Variants in PLXNA4 observed in about 807,000 individuals in gnomAD.
PLXNA4 encodes plexin A4.
PLXNA4 carries 44 observed loss-of-function variants against 191.8 expected under a neutral mutation model. The ratio of observed to expected loss-of-function variants is 0.23; its 90% CI spans 0.18 to 0.29. The LOEUF (loss-of-function observed/expected upper bound fraction) is 0.29. Among genes scored for constraint, PLXNA4 ranks in the 10% least tolerant of loss-of-function variants. The pLI, the probability that PLXNA4 is intolerant of heterozygous loss-of-function variation, is 1.00. For missense variants in PLXNA4, 1,800 were observed against 2,488.8 expected (o/e 0.72, Z 5.89); for synonymous variants, 1,082 against 1,009.5 (o/e 1.07, Z -1.36).
chr7:132,508,324 C>T lies in PLXNA4; in HGVS notation c.370G>A (p.Glu124Lys), dbSNP rs1181403014. The T allele has an allele frequency of 6.2e-7, 1 of 1,614,186 alleles. No individual in the cohort carries two copies. Among genetic ancestry groups the T allele is most frequent in the Non-Finnish European group, 8.5e-7 (1 of 1,180,048 alleles). ...VNKMLLIDYK[E>K]NRLIACGSLY... ...CTCCCACAGGCAATCAGCCTGTTCT[C>T]CTTGTAGTCTATGAGGAGCATCTTG... The change falls in exon 2 of 32, where the codon GAG becomes AAG. Residue 124 changes from glutamate to lysine, a missense_variant. By Grantham distance (56) the Glu-to-Lys change is moderately conservative. Coordinates refer to ENST00000321063, the MANE Select transcript of PLXNA4 (RefSeq NM_020911.2). This position sits in a 1 kb window ranked among gnomAD's most constrained non-coding sequence, Gnocchi z 4.4.
At chr7:132,430,364 G>A (rs1364075181) in intron 3 of PLXNA4, among the ~76,000 whole-genome samples, 1 of 152,094 alleles carries the variant, frequency 6.6e-6, no homozygotes, top group Non-Finnish European at 1.5e-5. Context: ...AGGAAATGCT[G>A]AGTGAATTAG....
intron 1 of PLXNA4, among the ~76,000 whole-genome samples, chr7:132,529,184 G>A (rs1442865662): frequency 6.6e-6 from 1 of 152,204 alleles, no homozygotes; most frequent in Non-Finnish European, 1.5e-5. Context: ...CTACCTGGCA[G>A]CCACTGGCTG....
chr7:132,426,746 A>G (rs1460607080), intron 3 of PLXNA4, among the ~76,000 whole-genome samples: 6 of 152,150 alleles, frequency 3.9e-5, no homozygotes, highest in Admixed American at 3.3e-4. Flanking sequence ...CCAGAGGGTG[A>G]AAATTAGAGG....
At chr7:132,570,878 C>T (rs972914781) in intron 1 of PLXNA4, among the ~76,000 whole-genome samples, 1 of 152,160 alleles carries the variant, frequency 6.6e-6, no homozygotes, top group African/African-American at 2.4e-5. Context: ...GAGAGGATGC[C>T]TGAGATCTCT....
At chr7:132,460,196 G>T (rs1382167924) in intron 3 of PLXNA4, among the ~76,000 whole-genome samples, 1 of 151,886 alleles carries the variant, frequency 6.6e-6, no homozygotes, top group Non-Finnish European at 1.5e-5. Context: ...TCTGCCAAAA[G>T]TTTTTTAAAA....
At chr7:132,365,328 C>CGTGTGTGTGTGTGTGTGT (rs3057957) in intron 3 of PLXNA4, among the ~76,000 whole-genome samples, 2 of 142,994 alleles carry the variant, frequency 1.4e-5, no homozygotes, top group South Asian at 2.4e-4. Flanking sequence ...CTACGGCCCG[C>CGTGTGTGTGTGTGTGTGT]GTGTGTGTGT....
At chr7:132,478,564 A>T (rs73444806) in intron 3 of PLXNA4, among the ~76,000 whole-genome samples, 1,567 of 152,338 alleles carry the variant, frequency 0.01, 25 homozygotes, top group African/African-American at 0.036. Context: ...ATAGATTTTT[A>T]AAGGTAGACT....
intron 3 of PLXNA4, among the ~76,000 whole-genome samples, chr7:132,440,510 C>G (rs1019990305): frequency 2.0e-5 from 3 of 152,156 alleles, no homozygotes; most frequent in African/African-American, 7.2e-5. Context: ...AGAGATCCAA[C>G]TATATCAGAA....
At chr7:132,312,792 C>T (rs531006601) in intron 3 of PLXNA4, among the ~76,000 whole-genome samples, 19 of 152,250 alleles carry the variant, frequency 1.2e-4, no homozygotes, top group East Asian at 1.9e-4. Flanking sequence ...AATCAGTTGA[C>T]GTGAAGATTT....
chr7:132,612,849 A>G (rs980888525), intron 2 of PLXNA4, among the ~76,000 whole-genome samples: 1 of 152,116 alleles, frequency 6.6e-6, no homozygotes, highest in African/African-American at 2.4e-5. Context: ...CCAATGTCTC[A>G]TGGAAGACAA....
intron 3 of PLXNA4, among the ~76,000 whole-genome samples, chr7:132,453,548 GT>G (rs35197607): frequency 0.39 from 58,198 of 148,088 alleles, 14,395 homozygotes; most frequent in Non-Finnish European, 0.58. Flanking sequence ...CACAGTGAGG[GT>G]TTTTTTTTTT....
intron 2 of PLXNA4, among the ~76,000 whole-genome samples, chr7:132,505,119 A>C (rs1220776164): frequency 6.6e-6 from 1 of 152,216 alleles, no homozygotes; most frequent in Non-Finnish European, 1.5e-5. Flanking sequence ...CTCGGCCCTG[A>C]ACTTGCCTGT....
At chr7:132,452,746 G>A (rs920340140) in intron 3 of PLXNA4, among the ~76,000 whole-genome samples, 6 of 152,192 alleles carry the variant, frequency 3.9e-5, no homozygotes, top group Admixed American at 1.3e-4. Context: ...GGTTGGACAT[G>A]AGCATCAGTG....
chr7:132,350,067 C>A (rs11761937), intron 3 of PLXNA4, among the ~76,000 whole-genome samples: 6,436 of 152,208 alleles, frequency 0.042, 174 homozygotes, highest in Middle Eastern at 0.071. Flanking sequence ...AAAATCCCAA[C>A]CTCCTGTTCA....
At chr7:132,534,793 G>A (rs756401664) in intron 1 of PLXNA4, among the ~76,000 whole-genome samples, 10 of 152,352 alleles carry the variant, frequency 6.6e-5, no homozygotes, top group South Asian at 4.1e-4. Flanking sequence ...ATTACTGGGC[G>A]TGTTGAGGGG....
intron 13 of PLXNA4, among the ~76,000 whole-genome samples, 168 bp from the exon 14 acceptor site, chr7:132,194,347 A>T (rs190849462): frequency 4.2e-4 from 64 of 152,326 alleles, no homozygotes; most frequent in African/African-American, 1.5e-3. Flanking sequence ...GCTTCTCCTT[A>T]ATTGTCAGGC....
At chr7:132,267,751 A>C (rs1799910374) in intron 4 of PLXNA4, among the ~76,000 whole-genome samples, 1 of 152,168 alleles carries the variant, frequency 6.6e-6, no homozygotes, top group African/African-American at 2.4e-5. Context: ...AGAACAAATA[A>C]CACCTCAAAC....
At position 132,347,410 on chromosome 7, in the gene PLXNA4, C is replaced by T. The variant is rs115418009; in HGVS notation, c.1372-49188G>A. ...GGTGCATCTGTAGGAAGTTTGGATT[C>T]CCACAAGGGCGAGCCTGTTCAAAAG... is the stretch of plus-strand genomic sequence containing the variant. On this transcript the variant is annotated intron_variant, in intron 3 of 31. Transcript: ENST00000321063. Among the ~76,000 whole-genome samples, 496 of 152,266 alleles carry T rather than the reference C, an allele frequency of 3.3e-3. 5 individuals carry two copies. The highest frequency in any genetic ancestry group is 0.011 in the African/African-American group (472 of 41,534).
chr7:132,180,392 C>T (rs1451878029), intron 19 of PLXNA4, among the ~76,000 whole-genome samples, 194 bp downstream of exon 19: 1 of 152,114 alleles, frequency 6.6e-6, no homozygotes, highest in East Asian at 1.9e-4. Flanking sequence ...GTTGCACCAG[C>T]CAGTGTGGAA....
Sources: allele counts gnomAD v4.1 joint callset (sites outside exome capture counted in the v4.1 genomes callset), GRCh38; gene constraint gnomAD v4.1.1; non-coding constraint Gnocchi (gnomAD v3.1); transcripts MANE v1.5; gene names NCBI Gene and HGNC (gene_info 2026-07-23, HGNC 2026-07-21).